Variants in SLIT3 observed in about 807,000 individuals in gnomAD.
SLIT3 encodes the protein slit homolog 3 protein.
SLIT3 carries 68 observed loss-of-function variants against 184.0 expected under a neutral mutation model. That is an observed-to-expected ratio of 0.37 (90% CI 0.30 to 0.45). The LOEUF (loss-of-function observed/expected upper bound fraction) is 0.45, where lower values mean the gene tolerates loss of function less well. Among genes scored for constraint, SLIT3 ranks in the 20% least tolerant of loss-of-function variants. The pLI, the probability that SLIT3 is intolerant of heterozygous loss-of-function variation, is 1.00. For missense variants in SLIT3, 1,707 were observed against 2,026.0 expected (o/e 0.84, Z 3.02); for synonymous variants, 831 against 828.6 (o/e 1.00, Z -0.05).
intron 4 of SLIT3, among the ~76,000 whole-genome samples, chr5:168,931,664 G>A (rs58072086): frequency 0.066 from 10,101 of 152,226 alleles, 1,076 homozygotes; most frequent in African/African-American, 0.23. Flanking sequence ...GCAATCTCAC[G>A]GCTGCAGGCC....
intron 4 of SLIT3, among the ~76,000 whole-genome samples, chr5:168,956,250 A>G (rs1428969316): frequency 2.0e-5 from 3 of 152,210 alleles, no homozygotes; most frequent in African/African-American, 7.2e-5. Context: ...GTCATCTTCA[A>G]AACCAGCCCG....
chr5:169,091,820 C>G (rs952552615), intron 4 of SLIT3, among the ~76,000 whole-genome samples: 1 of 152,220 alleles, frequency 6.6e-6, no homozygotes, highest in African/African-American at 2.4e-5. Flanking sequence ...CATATTTAGT[C>G]TGCTCACAGA....
At chr5:168,981,089 CA>C (rs1308764681) in intron 4 of SLIT3, among the ~76,000 whole-genome samples, 2 of 152,122 alleles carry the variant, frequency 1.3e-5, no homozygotes, top group African/African-American at 4.8e-5. Context: ...AGAATAAAAG[CA>C]TTGAAAATAT....
intron 4 of SLIT3, chr5:169,018,843 C>T (rs996246025): frequency 2.0e-5 from 3 of 152,190 alleles, no homozygotes; most frequent in Non-Finnish European, 4.4e-5. Flanking sequence ...TCTGTTTTGA[C>T]TACATCTTTG....
chr5:169,220,214 G>T (rs1053614212), intron 3 of SLIT3, among the ~76,000 whole-genome samples: 2 of 151,986 alleles, frequency 1.3e-5, no homozygotes, highest in Admixed American at 6.6e-5. Flanking sequence ...TATAGCCACT[G>T]GTCCCATGGC....
intron 9 of SLIT3, among the ~76,000 whole-genome samples, 188 bp downstream of exon 9, chr5:168,806,258 G>A (rs1004763531): frequency 6.6e-6 from 1 of 152,200 alleles, no homozygotes; most frequent in African/African-American, 2.4e-5. Context: ...CTGATCTCGA[G>A]TCTATGCTCT....
intron 5 of SLIT3, among the ~76,000 whole-genome samples, chr5:168,846,183 T>C (rs1410601558): frequency 6.6e-6 from 1 of 152,230 alleles, no homozygotes; most frequent in East Asian, 1.9e-4. Flanking sequence ...CAATTATTAA[T>C]ACATCATCTC....
intron 4 of SLIT3, among the ~76,000 whole-genome samples, chr5:168,888,221 G>T (rs1421396576): frequency 6.6e-6 from 1 of 152,200 alleles, no homozygotes; most frequent in Admixed American, 6.5e-5. Flanking sequence ...ATATGATGGG[G>T]AACTCCTGTC....
At chr5:169,032,599 G>GC (rs917964203) in intron 4 of SLIT3, among the ~76,000 whole-genome samples, 1 of 110,452 alleles carries the variant, frequency 9.1e-6, no homozygotes, top group Non-Finnish European at 1.9e-5. Context: ...TTTTAGTTTC[G>GC]TTTTTTTTTT....
intron 3 of SLIT3, among the ~76,000 whole-genome samples, chr5:169,207,898 G>C (rs991974660): frequency 6.6e-6 from 1 of 152,114 alleles, no homozygotes; most frequent in Non-Finnish European, 1.5e-5. Context: ...CCAGAAAGTG[G>C]GTCCTCACCA....
intron 4 of SLIT3, among the ~76,000 whole-genome samples, chr5:169,047,952 ATCGAT>A (rs1757684089): frequency 6.6e-6 from 1 of 152,114 alleles, no homozygotes; most frequent in Non-Finnish European, 1.5e-5. Context: ...TGCCACAAGC[ATCGAT>A]TAGATGCTTG....
chr5:168,793,008 T>G (rs1756433875), intron 10 of SLIT3, among the ~76,000 whole-genome samples: 1 of 152,228 alleles, frequency 6.6e-6, no homozygotes, highest in Non-Finnish European at 1.5e-5. Flanking sequence ...TAAATGAGTT[T>G]CATATTTAGA....
At position 168,760,895 on chromosome 5, in the gene SLIT3, C is replaced by T. The variant is rs1420046167; in HGVS notation, c.1652G>A (p.Gly551Asp). The part of the protein sequence containing the change: ...DNEVSVLEAT[G>D]IFKKLPNLRK... ...CAGGTTGGGCAACTTCTTGAAGATG[C>T]CAGTGGCCTCCAGAACAGATACCTC... The change falls in exon 16 of 36, where the codon GGC becomes GAC. Residue 551 changes from glycine (G) to aspartate (D), a missense_variant. Gly to Asp is a moderately conservative substitution (Grantham distance 94). Around this residue, in one of 3 missense-constraint regions of SLIT3, gnomAD observed 1,307 missense variants for 1,511.6 expected, o/e 0.86. Coordinates refer to ENST00000519560, the MANE Select transcript of SLIT3 (RefSeq NM_003062.4). 6.2e-7 allele frequency: 1 copy of T among 1,613,920 alleles called. No homozygotes were observed. The highest frequency in any genetic ancestry group is 8.5e-7 in the Non-Finnish European group (1 of 1,179,820).
At chr5:169,211,162 C>A (rs1252148400) in intron 3 of SLIT3, among the ~76,000 whole-genome samples, 1 of 152,116 alleles carries the variant, frequency 6.6e-6, no homozygotes, top group Non-Finnish European at 1.5e-5. Flanking sequence ...AACAGCCAAA[C>A]CCAGCCAACC....
At chr5:168,782,997 A>G (rs1397595415) in intron 12 of SLIT3, among the ~76,000 whole-genome samples, 2 of 152,220 alleles carry the variant, frequency 1.3e-5, no homozygotes, top group African/African-American at 4.8e-5. Flanking sequence ...TGTTTAGTAT[A>G]AGAAAGAGCT....
intron 5 of SLIT3, among the ~76,000 whole-genome samples, chr5:168,860,887 C>T (rs1159455043): frequency 6.6e-6 from 1 of 152,220 alleles, no homozygotes; most frequent in African/African-American, 2.4e-5. Context: ...CTGCCCGACT[C>T]TGGTGCTTCC....
chr5:169,089,037 AAAAAAAAAAAAAAAAAAAG>A (rs1313411336), intron 4 of SLIT3, among the ~76,000 whole-genome samples: 1 of 139,794 alleles, frequency 7.2e-6, no homozygotes, highest in African/African-American at 2.9e-5. Flanking sequence ...AAAAAAAAAA[AAAAAAAAAAAAAAAAAAAG>A]AAGTGCTGAC....
chr5:168,883,730 G>A (rs987026572), intron 4 of SLIT3, among the ~76,000 whole-genome samples: 14 of 129,282 alleles, frequency 1.1e-4, no homozygotes, highest in African/African-American at 3.8e-4. Context: ...GGTCAACGCC[G>A]CTCAATCTCC....
In SLIT3 at chr5:169,124,593, T is replaced by G. The variant is rs77518417; in HGVS notation, c.413+68886A>C. On this transcript the variant is annotated intron_variant, in intron 4 of 35. Transcript: ENST00000519560. ...AGAAGTATAGATGTAGATATGGATA[T>G]AGGTCAAGATTGTGAGAAATAGAGT... is the stretch of plus-strand genomic sequence containing the variant. Among the ~76,000 whole-genome samples the G allele has an allele frequency of 5.3e-4, 80 of 152,318 alleles. No individual in the cohort carries two copies. In the East Asian group the frequency reaches 0.013, roughly 25 times the overall value.
Sources: gnomAD v4.1 joint callset for allele counts (sites outside exome capture counted in the v4.1 genomes callset) on GRCh38, gnomAD v4.1.1 for gene constraint, gnomAD v4.1.1 regional missense constraint, MANE v1.5 for transcripts, NCBI Gene and HGNC (gene_info 2026-07-23, HGNC 2026-07-21) for gene names.